EPN2: variants seen among roughly 807,000 people sequenced by gnomAD.
EPN2 encodes the protein epsin 2.
A neutral mutation model predicts 61.7 loss-of-function variants in EPN2; 34 were observed. That is an observed-to-expected ratio of 0.55 (90% CI 0.42 to 0.73). The LOEUF is 0.73. Among genes scored for constraint, EPN2 ranks in the 30% least tolerant of loss-of-function variants. EPN2 has a pLI of 0.00. For synonymous variants in EPN2, 349 were observed against 353.6 expected, an observed-to-expected ratio of 0.99 and a Z score of 0.15; for missense variants, 714 against 839.2, an observed-to-expected ratio of 0.85 and a Z score of 1.84.
intron 6 of EPN2, among the ~76,000 whole-genome samples, chr17:19,312,674 C>G (rs959064450): frequency 2.0e-5 from 3 of 152,156 alleles, no homozygotes; most frequent in Non-Finnish European, 4.4e-5. Flanking sequence ...GCCCCTGGCT[C>G]CTGACTGGTT....
intron 4 of EPN2, among the ~76,000 whole-genome samples, chr17:19,301,203 G>A (rs1410131385): frequency 1.3e-5 from 2 of 152,120 alleles, no homozygotes; most frequent in Admixed American, 1.3e-4. Flanking sequence ...CTCCCCTGGT[G>A]TGTCTGTGTT....
At chr17:19,244,095 G>A (rs375958844) in intron 1 of EPN2, among the ~76,000 whole-genome samples, 19 of 152,310 alleles carry the variant, frequency 1.2e-4, no homozygotes, top group African/African-American at 4.1e-4. Context: ...GTAAATCTTG[G>A]ATGCTGTTGA....
At chr17:19,306,833 G>T (rs1905867065) in intron 4 of EPN2, among the ~76,000 whole-genome samples, 1 of 152,126 alleles carries the variant, frequency 6.6e-6, no homozygotes, top group Non-Finnish European at 1.5e-5. Context: ...TTCATTTGTG[G>T]TTTCCATTTG....
At chr17:19,257,351 G>A (rs1436429153) in intron 1 of EPN2, among the ~76,000 whole-genome samples, 1 of 152,108 alleles carries the variant, frequency 6.6e-6, no homozygotes, top group Non-Finnish European at 1.5e-5. Context: ...AGGTCCCATG[G>A]AGATTGTTTG....
intron 4 of EPN2, among the ~76,000 whole-genome samples, chr17:19,295,212 A>G (rs2045503151): frequency 1.3e-5 from 2 of 152,156 alleles, no homozygotes; most frequent in Admixed American, 6.5e-5. Flanking sequence ...CACCTGAACC[A>G]GGAAAGGTGC....
chr17:19,253,872 T>A (rs1478820209), intron 1 of EPN2, among the ~76,000 whole-genome samples: 3 of 152,170 alleles, frequency 2.0e-5, no homozygotes, highest in Non-Finnish European at 2.9e-5. Flanking sequence ...TGGTGGCTCA[T>A]ACATGTAATA....
chr17:19,294,767 A>G (rs943970925), intron 4 of EPN2, among the ~76,000 whole-genome samples: 1 of 152,202 alleles, frequency 6.6e-6, no homozygotes, highest in African/African-American at 2.4e-5. Context: ...CACACTTCTC[A>G]AATGAGAATC....
At chr17:19,296,034 T>C (rs553218517) in intron 4 of EPN2, among the ~76,000 whole-genome samples, 1 of 152,190 alleles carries the variant, frequency 6.6e-6, no homozygotes, top group South Asian at 2.1e-4. Flanking sequence ...TGACTGCTAA[T>C]GGAAAGCTTA....
chr17:19,333,769 C>T (rs2152241787), intron 10 of EPN2, among the ~76,000 whole-genome samples, 187 bp from the exon 11 acceptor site: 1 of 152,330 alleles, frequency 6.6e-6, no homozygotes, highest in South Asian at 2.1e-4. Flanking sequence ...TCAATCTCCT[C>T]ATCCTTAAAG....
Position 19,257,523 on chromosome 17 carries a change from CT to C in EPN2, c.-294+20006del, listed in dbSNP as rs34201206. Among the ~76,000 whole-genome samples the C allele has an allele frequency of 3.8e-3, 278 of 73,236 alleles. 1 individual carries two copies. The highest frequency in any genetic ancestry group is 4.4e-3 in the African/African-American group (22 of 5,054). 48.0% of individuals were successfully genotyped at this position (73,236 alleles called of 152,430 possible). ...TGATTTATTTTCTCTCTCTCTCTCTCTTTTTTTTTTTTTTGACACGGGGTCT... is the reference window on the plus strand; with the variant it reads ...TGATTTATTTTCTCTCTCTCTCTCTCTTTTTTTTTTTTTGACACGGGGTCT... On this transcript the variant is annotated intron_variant, in intron 1 of 10. Coordinates refer to ENST00000314728, the MANE Select transcript of EPN2 (RefSeq NM_014964.5).
intron 7 of EPN2, among the ~76,000 whole-genome samples, chr17:19,327,312 A>G (rs549374526): frequency 1.3e-5 from 2 of 152,302 alleles, no homozygotes; most frequent in African/African-American, 4.8e-5. Context: ...TCTCTCAAAT[A>G]AAATGTGGAG....
intron 6 of EPN2, among the ~76,000 whole-genome samples, chr17:19,312,657 C>T (rs1047595900): frequency 7.9e-5 from 12 of 152,178 alleles, no homozygotes; most frequent in East Asian, 3.9e-4. Context: ...CTACTGAGGC[C>T]GGTGGAGCCC....
intron 4 of EPN2, among the ~76,000 whole-genome samples, chr17:19,295,820 G>C (rs2045514262): frequency 6.6e-6 from 1 of 152,114 alleles, no homozygotes; most frequent in Non-Finnish European, 1.5e-5. Context: ...AGGGCCCCAG[G>C]TGCCGCGGTG....
chr17:19,293,160 C>T (rs2045481313), intron 4 of EPN2, among the ~76,000 whole-genome samples: 1 of 151,994 alleles, frequency 6.6e-6, no homozygotes, highest in African/African-American at 2.4e-5. Flanking sequence ...GGGCAGATCA[C>T]CTGAGGCCAG....
At chr17:19,267,131 G>A (rs895711117) in intron 1 of EPN2, among the ~76,000 whole-genome samples, 1 of 151,772 alleles carries the variant, frequency 6.6e-6, no homozygotes, top group African/African-American at 2.4e-5. Context: ...GAGCCACTGC[G>A]CCCGGCCTAA....
chr17:19,248,903 G>A (rs1204493902), intron 1 of EPN2, among the ~76,000 whole-genome samples: 1 of 152,230 alleles, frequency 6.6e-6, no homozygotes, highest in Non-Finnish European at 1.5e-5. Context: ...GAAATAGTAT[G>A]TGAGTCGAGT....
intron 7 of EPN2, among the ~76,000 whole-genome samples, chr17:19,319,955 C>T (rs534002209): frequency 7.8e-4 from 119 of 152,350 alleles, no homozygotes; most frequent in African/African-American, 2.7e-3. Context: ...CCATGCCCAG[C>T]GACAGATTAT....
intron 1 of EPN2, among the ~76,000 whole-genome samples, chr17:19,245,511 A>C (rs920229782): frequency 6.8e-6 from 1 of 146,842 alleles, no homozygotes; most frequent in Non-Finnish European, 1.5e-5. Context: ...ATCTCAGCTC[A>C]CTGCAGCCTC....
chr17:19,261,027 G>GT (rs2045135658), intron 1 of EPN2, among the ~76,000 whole-genome samples: 1 of 152,198 alleles, frequency 6.6e-6, no homozygotes, highest in Non-Finnish European at 1.5e-5. Flanking sequence ...GCACCTGGCT[G>GT]TTTCCAGCTT....
Sources: gnomAD v4.1 joint callset for allele counts (sites outside exome capture counted in the v4.1 genomes callset) on GRCh38, gnomAD v4.1.1 for gene constraint, MANE v1.5 for transcripts, NCBI Gene and HGNC (gene_info 2026-07-23, HGNC 2026-07-21) for gene names.